The following SLC25A31 variants were observed in gnomAD, a reference collection of about 807,000 sequenced individuals.
The protein encoded by SLC25A31 is solute carrier family 25 member 31, also known as ADP/ATP translocase 4.
A neutral mutation model predicts 36.2 loss-of-function variants in SLC25A31; 40 were observed. The observed-to-expected ratio is 1.10, with a 90% confidence interval of 0.86 to 1.44. The LOEUF (loss-of-function observed/expected upper bound fraction) is 1.44. Ranked by LOEUF, SLC25A31 falls within the 40% of genes most tolerant of loss-of-function variation. The pLI, the probability that SLC25A31 is intolerant of heterozygous loss-of-function variation, is 0.00. For synonymous variants in SLC25A31, 143 were observed against 149.7 expected (o/e 0.96, Z 0.32); for missense variants, 350 against 397.1 (o/e 0.88, Z 1.01).
intron 5 of SLC25A31, 144 bp downstream of exon 5, chr4:127,769,021 C>A: frequency 1.4e-6 from 1 of 712,336 alleles, no homozygotes; most frequent in Non-Finnish European, 2.1e-6. Context: ...TGTATTCTGT[C>A]TTATATTCTT....
chr4:127,755,260 G>A (rs1289703096), intron 2 of SLC25A31, among the ~76,000 whole-genome samples: 1 of 152,082 alleles, frequency 6.6e-6, no homozygotes, highest in Non-Finnish European at 1.5e-5. Flanking sequence ...AGTAATAAAA[G>A]CAAAACTTAT....
Position 127,761,204 on chromosome 4 carries a change from G to A in SLC25A31, c.361-3039G>A, listed in dbSNP as rs537539060. Among the ~76,000 whole-genome samples the A allele has an allele frequency of 1.9e-4, 29 of 152,026 alleles. No homozygotes were observed. The South Asian group carries it at 2.9e-3, about 15-fold the overall frequency. On this transcript the variant is annotated intron_variant, in intron 2 of 5. Transcript: ENST00000281154. ...TATATATGTTGTGCCTGCCCCTGTC[G>A]TTTTTTCATAGCTCCCACTTTCTGT...
intron 2 of SLC25A31, among the ~76,000 whole-genome samples, chr4:127,757,540 T>C (rs979358981): frequency 6.6e-6 from 1 of 152,204 alleles, no homozygotes; most frequent in Non-Finnish European, 1.5e-5. Context: ...TCATCCATTG[T>C]TGGGCACTTA....
chr4:127,771,137 A>T (rs1349409434), intron 5 of SLC25A31, among the ~76,000 whole-genome samples: 1 of 151,356 alleles, frequency 6.6e-6, no homozygotes, highest in Non-Finnish European at 1.5e-5. Context: ...TTTGTATTTT[A>T]GTAGAGACAG....
At chr4:127,742,693 C>T (rs1731754255) in intron 1 of SLC25A31, among the ~76,000 whole-genome samples, 1 of 152,122 alleles carries the variant, frequency 6.6e-6, no homozygotes, top group Non-Finnish European at 1.5e-5. Flanking sequence ...TAACTTTGGA[C>T]TTAGTTTGTT....
chr4:127,773,637 C>T lies in SLC25A31; in HGVS notation c.*63C>T. 1 of 1,284,896 alleles carries T rather than the reference C, an allele frequency of 7.8e-7. No individual in the cohort carries two copies. The highest frequency in any genetic ancestry group is 1.1e-6 in the Non-Finnish European group (1 of 950,462). 79.6% of individuals were successfully genotyped at this position (1,284,896 alleles called of 1,614,324 possible). A position where few individuals can be genotyped will look rare whatever the true frequency, so the allele number is the denominator to read the frequency against. On this transcript the variant is annotated 3_prime_UTR_variant, in exon 6 of 6. Transcript: ENST00000281154. ...GTTAAACATACAAATTACATAGCTGCCATTTGCATACATTTTGATAGTGTT... is the reference window on the plus strand; with the variant it reads ...GTTAAACATACAAATTACATAGCTGTCATTTGCATACATTTTGATAGTGTT...
At chr4:127,735,313 G>A (rs1009135024) in intron 1 of SLC25A31, among the ~76,000 whole-genome samples, 2 of 152,174 alleles carry the variant, frequency 1.3e-5, no homozygotes, top group Admixed American at 6.5e-5. Context: ...TGGTGTGAAA[G>A]CATCATAATT....
chr4:127,733,107 G>A (rs1369328073), intron 1 of SLC25A31, among the ~76,000 whole-genome samples: 1 of 152,094 alleles, frequency 6.6e-6, no homozygotes, highest in Non-Finnish European at 1.5e-5. Flanking sequence ...ATTGTCTGGG[G>A]CATGATTTTA....
chr4:127,749,782 T>C (rs1358827137), intron 2 of SLC25A31, among the ~76,000 whole-genome samples: 1 of 150,596 alleles, frequency 6.6e-6, no homozygotes, highest in Non-Finnish European at 1.5e-5. Flanking sequence ...CTGGGATAAC[T>C]CTGGTTATCC....
chr4:127,770,518 C>T lies in SLC25A31; in HGVS notation c.759+1641C>T, dbSNP rs545995105. Among the ~76,000 whole-genome samples the T allele has an allele frequency of 2.8e-4, 43 of 151,426 alleles. 2 individuals carry two copies. Among genetic ancestry groups the T allele is most frequent in the Non-Finnish European group, 1.2e-4 (8 of 67,880 alleles). On this transcript the variant is annotated intron_variant, in intron 5 of 5. Coordinates refer to ENST00000281154, the MANE Select transcript of SLC25A31 (RefSeq NM_031291.4). ...GCGGGCGCCTGTAGTCCCAGCTACT[C>T]GGGAGGCTGAGGCAGGAGAATGGCA...
chr4:127,765,678 TAATAAATG>T (rs1316005560), intron 3 of SLC25A31, among the ~76,000 whole-genome samples: 1 of 151,988 alleles, frequency 6.6e-6, no homozygotes, highest in African/African-American at 2.4e-5. Context: ...ACACAAGTAA[TAATAAATG>T]AATAAATGAC....
intron 2 of SLC25A31, among the ~76,000 whole-genome samples, chr4:127,752,516 A>G (rs1349919279): frequency 6.6e-6 from 1 of 152,094 alleles, no homozygotes; most frequent in Non-Finnish European, 1.5e-5. Flanking sequence ...ATGTATACAT[A>G]TGTAACAAAC....
At chr4:127,740,556 G>A (rs1731713731) in intron 1 of SLC25A31, among the ~76,000 whole-genome samples, 2 of 152,358 alleles carry the variant, frequency 1.3e-5, no homozygotes, top group South Asian at 4.1e-4. Flanking sequence ...CCAGGCTGAT[G>A]ATTCAGGAGA....
At chr4:127,771,579 A>G (rs140418497) in intron 5 of SLC25A31, among the ~76,000 whole-genome samples, 52 of 152,286 alleles carry the variant, frequency 3.4e-4, no homozygotes, top group African/African-American at 1.2e-3. Flanking sequence ...TTCCTTATCA[A>G]TTCTTACACC....
At chr4:127,737,591 A>G (rs1298640183) in intron 1 of SLC25A31, among the ~76,000 whole-genome samples, 1 of 151,334 alleles carries the variant, frequency 6.6e-6, no homozygotes, top group South Asian at 2.1e-4. Context: ...GTCCTGCTCC[A>G]TCGCCCAGGC....
rs370629492 is a variant in SLC25A31, at chr4:127,730,581, G to A, written c.36G>A (p.Lys12=). The A allele has an allele frequency of 2.5e-6, 4 of 1,613,902 alleles. No individual in the cohort carries two copies. The highest frequency in any genetic ancestry group is 1.3e-5 in the African/African-American group (1 of 74,926). Residue 12 remains lysine (K), a synonymous_variant, in exon 1 of 6, where the codon AAG becomes AAA. Transcript: ENST00000281154. ...HREPAKKKAE[K]RLFDASSFGK... ...AGCCTGCGAAAAAGAAGGCAGAAAA[G>A]CGGCTGTTTGACGCCTCATCCTTCG...
At chr4:127,768,480 C>T (rs1398919913) in intron 4 of SLC25A31, among the ~76,000 whole-genome samples, 1 of 151,860 alleles carries the variant, frequency 6.6e-6, no homozygotes, top group Non-Finnish European at 1.5e-5. Flanking sequence ...TCTTTTTTGT[C>T]AATGTCTGCT....
intron 5 of SLC25A31, among the ~76,000 whole-genome samples, chr4:127,770,494 C>T (rs1384668171): frequency 1.3e-5 from 2 of 151,786 alleles, no homozygotes; most frequent in African/African-American, 4.8e-5. Context: ...GGCGTGGTGG[C>T]GGGCGCCTGT....
At chr4:127,734,512 A>G (rs768918836) in intron 1 of SLC25A31, among the ~76,000 whole-genome samples, 18 of 148,304 alleles carry the variant, frequency 1.2e-4, no homozygotes, top group Non-Finnish European at 2.1e-4. Context: ...GTGAGCCAAG[A>G]TCGTGCCACT....
Sources: gnomAD v4.1 joint callset for allele counts (sites outside exome capture counted in the v4.1 genomes callset) on GRCh38, gnomAD v4.1.1 for gene constraint, MANE v1.5 for transcripts, NCBI Gene and HGNC (gene_info 2026-07-23, HGNC 2026-07-21) for gene names.